The following CHD8 variants were observed in gnomAD, a reference collection of about 807,000 sequenced individuals.
The protein encoded by CHD8 is chromodomain helicase DNA binding protein 8, also known as ATP-dependent chromatin remodeler CHD8.
CHD8 carries 31 observed loss-of-function variants against 279.2 expected under a neutral mutation model. That is an observed-to-expected ratio of 0.11 (90% CI 0.08 to 0.15). The LOEUF is 0.15. CHD8 is among the 10% of genes least tolerant of loss of function. The pLI is 1.00. For missense variants in CHD8, 2,146 were observed against 3,230.5 expected (o/e 0.66, Z 8.14); for synonymous variants, 1,081 against 1,139.6 (o/e 0.95, Z 1.04).
At chr14:21,444,485 T>C (rs1377975611) in intron 1 of CHD8, among the ~76,000 whole-genome samples, 6 of 152,282 alleles carry the variant, frequency 3.9e-5, no homozygotes, top group African/African-American at 1.2e-4. Flanking sequence ...CTGAAGATCA[T>C]GTTCAACTAA....
At position 21,414,917 on chromosome 14, in the gene CHD8, CT is replaced by C; in HGVS notation, c.2024+20del. ...ACCCTGTGGAATTTGGGGTGACAAG[CT>C]TTTTGCACAGATCACGTACTAGTTC... On this transcript the variant is annotated intron_variant, in intron 8 of 37. Transcript: ENST00000646647. The C allele has an allele frequency of 6.3e-7, 1 of 1,592,028 alleles. No homozygotes were observed. The highest frequency in any genetic ancestry group is 8.6e-7 in the Non-Finnish European group (1 of 1,166,576).
rs1463245426 is a variant in CHD8, at chr14:21,437,085, C to A, written c.-215-5227G>T. 6 of 829,528 alleles carry A rather than the reference C, an allele frequency of 7.2e-6. No homozygotes were observed. The African/African-American group carries it at 1.1e-4, about 15-fold the overall frequency. 51.4% of individuals were successfully genotyped at this position (829,528 alleles called of 1,614,324 possible). A position where few individuals can be genotyped will look rare whatever the true frequency, so the allele number is the denominator to read the frequency against. ...GCGGGGGGTGGGGGGTGTGGATGCCCGGGATAGGAGCAATGTTAGGGCGGA... is the reference window on the plus strand; with the variant it reads ...GCGGGGGGTGGGGGGTGTGGATGCCAGGGATAGGAGCAATGTTAGGGCGGA... On this transcript the variant is annotated intron_variant, in intron 1 of 37. Transcript: ENST00000646647.
In CHD8 at chr14:21,402,523, A is replaced by C; in HGVS notation, c.3715-20T>G. ...CTGGGCCTGGTTTAAAATAAAAACG[A>C]AAGGAAAGGAGAAAGATATCATAAA... On this transcript the variant is annotated intron_variant, in intron 18 of 37. Coordinates refer to ENST00000646647, the MANE Select transcript of CHD8 (RefSeq NM_001170629.2). This position sits in a 1 kb window ranked among gnomAD's most constrained non-coding sequence, Gnocchi z 4.5. The C allele has an allele frequency of 1.3e-6, 2 of 1,563,078 alleles. No homozygotes were observed. The highest frequency in any genetic ancestry group is 2.4e-5 in the South Asian group (2 of 82,870).
intron 10 of CHD8, among the ~76,000 whole-genome samples, chr14:21,410,995 A>AG (rs1272377740): frequency 3.3e-5 from 5 of 152,176 alleles, no homozygotes; most frequent in African/African-American, 9.7e-5. Context: ...TATTTTGCAG[A>AG]GGTGGGGAAA....
chr14:21,429,498 TTTG>T (rs1275005166), intron 2 of CHD8, 163 bp from the exon 3 acceptor site: 2 of 830,212 alleles, frequency 2.4e-6, no homozygotes, highest in Non-Finnish European at 4.2e-6. Flanking sequence ...TGCAATCTTT[TTTG>T]TTATTTTTAG....
At chr14:21,443,500 T>C (rs765803727) in intron 1 of CHD8, among the ~76,000 whole-genome samples, 1 of 151,902 alleles carries the variant, frequency 6.6e-6, no homozygotes, top group Non-Finnish European at 1.5e-5. Context: ...AGGCAGAGAA[T>C]AGAGATTTGC....
chr14:21,419,634 C>T, intron 5 of CHD8: 1 of 195,610 alleles, frequency 5.1e-6, no homozygotes, highest in South Asian at 6.9e-5. Flanking sequence ...CTAGGGACAG[C>T]AACTGCAGCC....
At chr14:21,441,636 C>G (rs1315249189) in intron 1 of CHD8, among the ~76,000 whole-genome samples, 1 of 152,008 alleles carries the variant, frequency 6.6e-6, no homozygotes, top group Non-Finnish European at 1.5e-5. Flanking sequence ...TGCCTGTAAT[C>G]CCAGCACTTT....
intron 5 of CHD8, among the ~76,000 whole-genome samples, chr14:21,423,292 C>T (rs1594369828): frequency 6.6e-6 from 1 of 152,092 alleles, no homozygotes; most frequent in Non-Finnish European, 1.5e-5. Context: ...TATCAAGGTG[C>T]CCATATTTGG....
In CHD8 at chr14:21,385,335, A is replaced by C; in HGVS notation, c.*278T>G. 1 of 464,456 alleles carries C rather than the reference A, an allele frequency of 2.2e-6. No individual in the cohort carries two copies. The highest frequency in any genetic ancestry group is 3.8e-6 in the Non-Finnish European group (1 of 263,644). 28.8% of individuals were successfully genotyped at this position (464,456 alleles called of 1,614,324 possible). Reference sequence around the variant, plus strand: ...GCGCTACATAGTCTGTGGTTAATGGAGGTGACTAGGGAGGGGTGAGCACAC... The same window carrying C: ...GCGCTACATAGTCTGTGGTTAATGGCGGTGACTAGGGAGGGGTGAGCACAC... On this transcript the variant is annotated 3_prime_UTR_variant, in exon 38 of 38. Transcript: ENST00000646647.
chr14:21,393,914 G>A lies in CHD8; in HGVS notation c.5881C>T (p.Arg1961Cys). ...QDPDFSFLAA[R>C]MNYMQNHQAG... Reference sequence around the variant, plus strand: ...TGATGGTTCTGCATATAATTCATACGGGCAGCCAGAAAAGAGAAGTCTGGG... The same window carrying A: ...TGATGGTTCTGCATATAATTCATACAGGCAGCCAGAAAAGAGAAGTCTGGG... Residue 1961 changes from arginine (R) to cysteine (C), a missense_variant, in exon 32 of 38, where the codon CGT (arginine) becomes TGT (cysteine). Around this residue, in one of 26 missense-constraint regions of CHD8, gnomAD observed 513 missense variants for 637.6 expected, o/e 0.80. Coordinates refer to ENST00000646647, the MANE Select transcript of CHD8 (RefSeq NM_001170629.2). The A allele has an allele frequency of 1.2e-6, 2 of 1,613,872 alleles. No individual in the cohort carries two copies. The highest frequency in any genetic ancestry group is 1.3e-5 in the African/African-American group (1 of 75,008).
intron 37 of CHD8, among the ~76,000 whole-genome samples, chr14:21,388,618 C>T (rs1887386199): frequency 6.6e-6 from 1 of 152,110 alleles, no homozygotes. Context: ...TCAGCTTCCA[C>T]ATAGCTGATA....
chr14:21,393,000 T>A (rs1594329534), intron 33 of CHD8, 106 bp downstream of exon 33: 18 of 1,317,596 alleles, frequency 1.4e-5, no homozygotes, highest in African/African-American at 3.0e-5. Context: ...CTTGCAGCAA[T>A]AAACACAATT....
chr14:21,420,198 G>C (rs1162941168), intron 5 of CHD8, among the ~76,000 whole-genome samples: 6 of 152,190 alleles, frequency 3.9e-5, no homozygotes, highest in Non-Finnish European at 8.8e-5. Context: ...GCCCCAAAGG[G>C]TGTGACCCCT....
At chr14:21,441,019 G>A (rs183910879) in intron 1 of CHD8, among the ~76,000 whole-genome samples, 1 of 152,238 alleles carries the variant, frequency 6.6e-6, no homozygotes, top group East Asian at 1.9e-4. Context: ...AGCCTGGGGA[G>A]ATAGGGTTCA....
At chr14:21,410,346 G>T (rs1433999110) in intron 10 of CHD8, among the ~76,000 whole-genome samples, 2 of 152,018 alleles carry the variant, frequency 1.3e-5, no homozygotes, top group Non-Finnish European at 2.9e-5. Context: ...CTATTCTCCT[G>T]GAGCCAAATT....
chr14:21,415,695 C>T, intron 6 of CHD8, 30 bp downstream of exon 6: 1 of 1,612,922 alleles, frequency 6.2e-7, no homozygotes, highest in Non-Finnish European at 8.5e-7. Flanking sequence ...GCAAGGCAAT[C>T]CTCTGAAATC....
chr14:21,430,696 T>C lies in CHD8; in HGVS notation c.843+105A>G, dbSNP rs1889528956. ...TAACTGATAAAAACCAAAGATGGAA[T>C]TTAAATAGGCTTTCCCAGAGAAAGC... On this transcript the variant is annotated intron_variant, in intron 2 of 37. Transcript: ENST00000646647. 3 of 715,342 alleles carry C rather than the reference T, an allele frequency of 4.2e-6. No individual in the cohort carries two copies. In the Admixed American group the frequency reaches 8.8e-5, roughly 21 times the overall value. 44.3% of individuals were successfully genotyped at this position (715,342 alleles called of 1,614,324 possible). A position where few individuals can be genotyped will look rare whatever the true frequency, so the allele number is the denominator to read the frequency against.
intron 1 of CHD8, among the ~76,000 whole-genome samples, chr14:21,455,488 C>T (rs1052539957): frequency 5.3e-5 from 8 of 152,182 alleles, no homozygotes; most frequent in African/African-American, 1.9e-4. Flanking sequence ...TAAACATTCT[C>T]CAACAGCCTG....
Sources: allele counts gnomAD v4.1 joint callset (sites outside exome capture counted in the v4.1 genomes callset), GRCh38; gene constraint gnomAD v4.1.1; regional missense constraint gnomAD v4.1.1; non-coding constraint Gnocchi (gnomAD v3.1); transcripts MANE v1.5; gene names NCBI Gene and HGNC (gene_info 2026-07-23, HGNC 2026-07-21).